Variants in NUP155 observed in about 807,000 individuals in gnomAD.
NUP155 encodes the protein nuclear pore complex protein Nup155.
In NUP155, 71 loss-of-function variants were observed where a neutral mutation model predicts 180.4. The observed-to-expected ratio is 0.39, with a 90% CI of 0.33 to 0.48. The LOEUF is 0.48. Among genes scored for constraint, NUP155 ranks in the 20% least tolerant of loss-of-function variants. NUP155 has a pLI of 0.91. For synonymous variants in NUP155, 582 were observed against 559.5 expected (o/e 1.04, Z -0.57); for missense variants, 1,553 against 1,648.9 (o/e 0.94, Z 1.01).
At chr5:37,302,407 A>AT (rs1283754547) in intron 29 of NUP155, among the ~76,000 whole-genome samples, 13 of 151,926 alleles carry the variant, frequency 8.6e-5, no homozygotes, top group East Asian at 3.9e-4. Flanking sequence ...TAATTCTTGT[A>AT]TTTTTTTAAG....
At chr5:37,296,003 G>T (rs1297219883) in intron 32 of NUP155, among the ~76,000 whole-genome samples, 4 of 135,120 alleles carry the variant, frequency 3.0e-5, no homozygotes, top group South Asian at 5.1e-4. Context: ...GGAGGGAGGA[G>T]GGGGGGGTCA....
At position 37,363,208 on chromosome 5, in the gene NUP155, T is replaced by G. The variant is rs113594139; in HGVS notation, c.392+680A>C. On this transcript the variant is annotated intron_variant, in intron 3 of 34. Transcript: ENST00000231498. The stretch of plus-strand genomic sequence containing the variant: ...ATTATAGGCGTTTGAGTCAGCGTGC[T>G]CGGCCGATACAGTGTCTTTTTAATG... Among the ~76,000 whole-genome samples the G allele has an allele frequency of 2.2e-3, 331 of 152,272 alleles. 1 individual carries two copies. The highest frequency in any genetic ancestry group is 7.1e-3 in the African/African-American group (295 of 41,558).
chr5:37,324,562 CTT>C (rs905305569), intron 19 of NUP155, among the ~76,000 whole-genome samples: 2 of 146,064 alleles, frequency 1.4e-5, no homozygotes, highest in African/African-American at 2.5e-5. Context: ...GAAACTTGAA[CTT>C]TTTTTTTTTT....
chr5:37,317,942 T>C, intron 21 of NUP155, 46 bp downstream of exon 21: 1 of 997,816 alleles, frequency 1.0e-6, no homozygotes, highest in Middle Eastern at 2.0e-4. Flanking sequence ...GTAATAAAAT[T>C]TTACTGAGGT....
intron 12 of NUP155, 75 bp downstream of exon 12, chr5:37,337,743 G>A: frequency 1.2e-6 from 1 of 851,242 alleles, no homozygotes; most frequent in South Asian, 1.5e-5. Flanking sequence ...TACATCAGAA[G>A]ATAAAAGTTT....
intron 32 of NUP155, among the ~76,000 whole-genome samples, chr5:37,297,257 A>G (rs1182627644): frequency 6.6e-6 from 1 of 152,026 alleles, no homozygotes; most frequent in African/African-American, 2.4e-5. Context: ...GCTTCAAGCA[A>G]TCTTCCTGCC....
At chr5:37,368,578 G>C (rs1045968663) in intron 1 of NUP155, among the ~76,000 whole-genome samples, 1 of 151,868 alleles carries the variant, frequency 6.6e-6, no homozygotes, top group Non-Finnish European at 1.5e-5. Context: ...CCAACACTTT[G>C]GGAGGCCGAG....
intron 3 of NUP155, among the ~76,000 whole-genome samples, chr5:37,360,776 A>AT (rs573638467): frequency 6.4e-4 from 90 of 140,522 alleles, no homozygotes; most frequent in African/African-American, 2.2e-3. Context: ...ACGGAATGAG[A>AT]TAAAAAAAAA....
intron 34 of NUP155, among the ~76,000 whole-genome samples, 161 bp downstream of exon 34, chr5:37,292,718 G>T (rs1742301341): frequency 6.6e-6 from 1 of 152,050 alleles, no homozygotes; most frequent in African/African-American, 2.4e-5. Flanking sequence ...GGTTGAAAAT[G>T]GAAAAAACTC....
At chr5:37,342,711 C>T (rs1236896672) in intron 9 of NUP155, 65 bp from the exon 10 acceptor site, 25 of 1,065,948 alleles carry the variant, frequency 2.3e-5, no homozygotes, top group East Asian at 4.9e-5. Context: ...AGAAATATTT[C>T]CCATCAGAAT....
chr5:37,359,228 CAAAG>C (rs1747045084), intron 3 of NUP155, among the ~76,000 whole-genome samples: 1 of 150,358 alleles, frequency 6.7e-6, no homozygotes, highest in African/African-American at 2.4e-5. Flanking sequence ...AATAAACAAG[CAAAG>C]AAAACTGTTT....
At chr5:37,314,955 G>A (rs942199664) in intron 21 of NUP155, among the ~76,000 whole-genome samples, 14 of 152,302 alleles carry the variant, frequency 9.2e-5, no homozygotes, top group African/African-American at 2.9e-4. Flanking sequence ...CTACTGGCCA[G>A]GCGTGGTGGC....
At chr5:37,318,175 CT>C in intron 20 of NUP155, 90 bp from the exon 21 acceptor site, 10 of 879,532 alleles carry the variant, frequency 1.1e-5, no homozygotes, top group Non-Finnish European at 1.7e-5. Context: ...AATATGTTTA[CT>C]TTTTTTAAAT....
At chr5:37,305,035 G>A (rs757840179) in intron 26 of NUP155, 22 bp downstream of exon 26, 7 of 1,611,978 alleles carry the variant, frequency 4.3e-6, no homozygotes, top group Non-Finnish European at 5.9e-6. Flanking sequence ...TTCTCAGAAT[G>A]AAAATATACT....
intron 21 of NUP155, among the ~76,000 whole-genome samples, chr5:37,314,886 A>G (rs538562578): frequency 6.6e-6 from 1 of 152,264 alleles, no homozygotes; most frequent in Admixed American, 6.5e-5. Context: ...TAGGGTCCTC[A>G]GTAGGGAAGA....
At position 37,333,448 on chromosome 5, in the gene NUP155, A is replaced by C; in HGVS notation, c.1518+15T>G. Reference sequence around the variant, plus strand: ...CGCTTATTTTTGTCACTACCATAACAGAATACGTACACACCTGTGCTGAGA... The same window carrying C: ...CGCTTATTTTTGTCACTACCATAACCGAATACGTACACACCTGTGCTGAGA... On this transcript the variant is annotated intron_variant, in intron 13 of 34. Transcript: ENST00000231498. The C allele has an allele frequency of 1.2e-6, 2 of 1,611,676 alleles. No homozygotes were observed. The highest frequency in any genetic ancestry group is 1.7e-6 in the Non-Finnish European group (2 of 1,177,728).
intron 28 of NUP155, 117 bp downstream of exon 28, chr5:37,303,143 A>T (rs1021216188): frequency 1.2e-5 from 15 of 1,210,348 alleles, no homozygotes; most frequent in East Asian, 7.6e-5. Flanking sequence ...CATCCTATTT[A>T]AAAAATTTAG....
In NUP155 at chr5:37,359,685, A is replaced by G. The variant is rs775771302; in HGVS notation, c.393-1534T>C. ...GTCTTAACATGATTTCTGGCTTTCA[A>G]TAAGAAATCATGAGACACAAAATAA... is the stretch of plus-strand genomic sequence containing the variant. On this transcript the variant is annotated intron_variant, in intron 3 of 34. Coordinates refer to ENST00000231498, the MANE Select transcript of NUP155 (RefSeq NM_153485.3). Among the ~76,000 whole-genome samples the G allele has an allele frequency of 5.3e-5, 8 of 152,212 alleles. No individual in the cohort carries two copies. In the South Asian group the frequency reaches 1.2e-3, roughly 24 times the overall value.
Position 37,352,778 on chromosome 5 carries a change from TC to T in NUP155, c.514del (p.Asp172ThrfsTer2). Reference protein sequence around the residue: ...RHLLVLATPVDIVILGLSYAN... With the variant: ...RHLLVLATPVXIVILGLSYAN... ...ATAGCTGAGTCCAAGAATTACTATGTCTACAGGGGTCGCCAAAACCAGGAGG... is the reference window on the plus strand; with the variant it reads ...ATAGCTGAGTCCAAGAATTACTATGTTACAGGGGTCGCCAAAACCAGGAGG... On this transcript the variant is annotated frameshift_variant, in exon 5 of 35. Coordinates refer to ENST00000231498, the MANE Select transcript of NUP155 (RefSeq NM_153485.3). LOFTEE classifies it high-confidence loss of function. 6.2e-7 allele frequency: 1 copy of T among 1,613,666 alleles called. No homozygotes were observed. The highest frequency in any genetic ancestry group is 8.5e-7 in the Non-Finnish European group (1 of 1,179,704).
Sources: allele counts gnomAD v4.1 joint callset (sites outside exome capture counted in the v4.1 genomes callset), GRCh38; gene constraint gnomAD v4.1.1; transcripts MANE v1.5; gene names NCBI Gene and HGNC (gene_info 2026-07-23, HGNC 2026-07-21).